The following FUT8 variants were observed in gnomAD, a reference collection of about 807,000 sequenced individuals.
The protein encoded by FUT8 is alpha-(1,6)-fucosyltransferase.
Under a neutral mutation model 71.3 loss-of-function variants are expected in FUT8, and 29 were observed. The ratio of observed to expected loss-of-function variants is 0.41; its 90% CI spans 0.30 to 0.55. The LOEUF (loss-of-function observed/expected upper bound fraction) is 0.55, where lower values mean the gene tolerates loss of function less well. FUT8 is among the 20% of genes least tolerant of loss of function. The probability of loss-of-function intolerance (pLI) is 0.34; values close to 1 mark genes in which losing one functional copy is unlikely to be tolerated. For synonymous variants in FUT8, 254 were observed against 239.3 expected (o/e 1.06, Z -0.57); for missense variants, 544 against 702.1 (o/e 0.77, Z 2.55).
intron 2 of FUT8, among the ~76,000 whole-genome samples, chr14:65,485,299 A>C (rs1379182695): frequency 6.6e-6 from 1 of 152,186 alleles, no homozygotes; most frequent in African/African-American, 2.4e-5. Flanking sequence ...GCTGACAGAC[A>C]TTGTGAATTT....
At chr14:65,526,888 G>A (rs1013356588) in intron 2 of FUT8, among the ~76,000 whole-genome samples, 3 of 152,066 alleles carry the variant, frequency 2.0e-5, no homozygotes, top group Admixed American at 6.6e-5. Context: ...TTGAATATTG[G>A]CCCCCACTCT....
chr14:65,514,515 A>G (rs1882575543), intron 2 of FUT8, among the ~76,000 whole-genome samples: 1 of 152,098 alleles, frequency 6.6e-6, no homozygotes, highest in South Asian at 2.1e-4. Context: ...TGGCCATTTA[A>G]TTTTCTCTCT....
intron 6 of FUT8, among the ~76,000 whole-genome samples, chr14:65,630,390 A>T (rs1890121233): frequency 1.3e-5 from 2 of 152,186 alleles, no homozygotes; most frequent in South Asian, 4.1e-4. Flanking sequence ...ACATATATGT[A>T]AGAAAATAAT....
chr14:65,362,961 C>CAAAA, the FUT8 span, among the ~76,000 whole-genome samples: 1 of 69,348 alleles, frequency 1.4e-5, no homozygotes, highest in Non-Finnish European at 2.6e-5. Flanking sequence ...GACTCTGTTT[C>CAAAA]AAAAAAAAAA....
chr14:65,373,569 GC>G, the FUT8 span, among the ~76,000 whole-genome samples: 1 of 152,104 alleles, frequency 6.6e-6, no homozygotes, highest in East Asian at 1.9e-4. Flanking sequence ...AAAAGTGCTC[GC>G]CCCGGCTCCT....
intron 2 of FUT8, among the ~76,000 whole-genome samples, chr14:65,496,198 G>C (rs529996598): frequency 1.3e-5 from 2 of 152,198 alleles, no homozygotes; most frequent in South Asian, 4.1e-4. Context: ...AGCTAACCCT[G>C]AGTGATTTTG....
chr14:65,742,029 C>A, intron 10 of FUT8, 64 bp from the exon 11 acceptor site: 1 of 1,411,164 alleles, frequency 7.1e-7, no homozygotes, highest in Non-Finnish European at 9.8e-7. Flanking sequence ...TGGCCAAGGG[C>A]TTTTAGATTG....
At position 65,547,093 on chromosome 14, in the gene FUT8, A is replaced by G. The variant is rs941369486; in HGVS notation, c.-227-14244A>G. ...ACAGATAGTGCCTCTTACATTCCTA[A>G]TATTAGCAGCTTATGTTCTTTTTTT... On this transcript the variant is annotated intron_variant, in intron 2 of 10. Transcript: ENST00000673929. Among the ~76,000 whole-genome samples the G allele has an allele frequency of 8.9e-4, 134 of 151,354 alleles. 1 individual carries two copies. Among genetic ancestry groups the G allele is most frequent in the Non-Finnish European group, 4.1e-4 (28 of 67,544 alleles).
the FUT8 span, among the ~76,000 whole-genome samples, chr14:65,404,499 C>T: frequency 1.4e-5 from 2 of 147,886 alleles, no homozygotes; most frequent in Non-Finnish European, 3.0e-5. Flanking sequence ...CTTTTTGAGA[C>T]AGAGTCTTGC....
At position 65,616,326 on chromosome 14, in the gene FUT8, C is replaced by T. The variant is rs1423786275; in HGVS notation, c.435C>T (p.Leu145=). 1.2e-6 allele frequency: 2 copies of T among 1,610,662 alleles called. No individual in the cohort carries two copies. The highest frequency in any genetic ancestry group is 2.2e-5 in the South Asian group (2 of 90,524). ...KKLKNLEGNE[L]QRHADEFLLD... ...TAAAGAACTTAGAAGGAAATGAACT[C>T]CAAAGACATGCAGATGAATTTCTTT... The change falls in exon 5 of 11, where the codon CTC becomes CTT. Residue 145 remains leucine, a synonymous_variant. Coordinates refer to ENST00000673929, the MANE Select transcript of FUT8 (RefSeq NM_001371533.1).
At chr14:65,558,007 A>C (rs564413861) in intron 2 of FUT8, among the ~76,000 whole-genome samples, 1 of 152,214 alleles carries the variant, frequency 6.6e-6, no homozygotes, top group East Asian at 1.9e-4. Context: ...AATAAGATAC[A>C]TTATTTTTTC....
intron 6 of FUT8, among the ~76,000 whole-genome samples, chr14:65,636,181 T>C (rs143659656): frequency 0.025 from 3,819 of 152,270 alleles, 151 homozygotes; most frequent in African/African-American, 0.087. Context: ...GTGTCAGTTG[T>C]AGTATCTCCT....
intron 1 of FUT8, among the ~76,000 whole-genome samples, chr14:65,414,652 A>G (rs2065192813): frequency 6.6e-6 from 1 of 152,216 alleles, no homozygotes; most frequent in South Asian, 2.1e-4. Context: ...GTGTGTAAAA[A>G]ATGCAGGGAG....
chr14:65,696,053 G>A (rs972251399), intron 7 of FUT8, among the ~76,000 whole-genome samples: 1 of 151,850 alleles, frequency 6.6e-6, no homozygotes, highest in African/African-American at 2.4e-5. Flanking sequence ...CTCCCATCCC[G>A]TAAAGCATTA....
At chr14:65,381,998 AGTACTAAAACTGT>A in the FUT8 span, among the ~76,000 whole-genome samples, 1 of 152,222 alleles carries the variant, frequency 6.6e-6, no homozygotes, top group Non-Finnish European at 1.5e-5. Context: ...GGCTTCTGCA[AGTACTAAAACTGT>A]GTTCCCAGAG....
At chr14:65,611,690 T>G (rs949955398) in intron 3 of FUT8, among the ~76,000 whole-genome samples, 3 of 152,184 alleles carry the variant, frequency 2.0e-5, no homozygotes, top group African/African-American at 7.2e-5. Flanking sequence ...AGATGGAGTC[T>G]CACTCTGCCA....
intron 1 of FUT8, among the ~76,000 whole-genome samples, chr14:65,449,367 T>C (rs1283025184): frequency 2.0e-5 from 3 of 152,240 alleles, no homozygotes; most frequent in East Asian, 1.9e-4. Context: ...TGTTCACTTA[T>C]TCCTAGAATC....
the FUT8 span, among the ~76,000 whole-genome samples, chr14:65,357,037 A>G: frequency 6.6e-6 from 1 of 152,236 alleles, no homozygotes; most frequent in Admixed American, 6.5e-5. Flanking sequence ...CTGGATTAAT[A>G]GAAGCCATGA....
chr14:65,386,552 C>T, the FUT8 span, among the ~76,000 whole-genome samples: 1 of 140,262 alleles, frequency 7.1e-6, no homozygotes, highest in Non-Finnish European at 1.5e-5. Context: ...CAACTTGGGT[C>T]TTCGTTTTTT....
Sources: allele counts gnomAD v4.1 joint callset (sites outside exome capture counted in the v4.1 genomes callset), GRCh38; gene constraint gnomAD v4.1.1; transcripts MANE v1.5; gene names NCBI Gene and HGNC (gene_info 2026-07-23, HGNC 2026-07-21).